The following DIP2C variants were observed in gnomAD, a reference collection of about 807,000 sequenced individuals.
The protein encoded by DIP2C is DIP2 acetate--CoA ligase C (putative).
In DIP2C, 33 loss-of-function variants were observed where a neutral mutation model predicts 192.4. That is an observed-to-expected ratio of 0.17 (90% CI 0.13 to 0.23). The LOEUF (loss-of-function observed/expected upper bound fraction) is 0.23. DIP2C is among the 10% of genes least tolerant of loss of function. The pLI, the probability that DIP2C is intolerant of heterozygous loss-of-function variation, is 1.00. For missense variants in DIP2C, 1,537 were observed against 2,110.1 expected, an observed-to-expected ratio of 0.73 and a Z score of 5.32; for synonymous variants, 979 against 864.1, an observed-to-expected ratio of 1.13 and a Z score of -2.33.
At position 477,935 on chromosome 10, in the gene DIP2C, G is replaced by A. The variant is rs180980928; in HGVS notation, c.158-5386C>T. ...GAAAAGACAGGAAAAGAGAGGGAAA[G>A]AAGGAAGGAAAAGAAGGAAAGAAAA... On this transcript the variant is annotated intron_variant, in intron 2 of 36. Transcript: ENST00000280886. Among the ~76,000 whole-genome samples, 356 of 100,528 alleles carry A rather than the reference G, an allele frequency of 3.5e-3. 2 individuals are homozygous for A. Among genetic ancestry groups the A allele is most frequent in the Admixed American group, 8.8e-3 (76 of 8,636 alleles). The allele number at this position is 100,528 out of a possible 152,430, so 66.0% of individuals were successfully genotyped here. A position where few individuals can be genotyped will look rare whatever the true frequency, so the allele number is the denominator to read the frequency against.
chr10:382,799 C>A, intron 16 of DIP2C, 38 bp from the exon 17 acceptor site: 1 of 1,439,484 alleles, frequency 6.9e-7, no homozygotes, highest in South Asian at 1.3e-5. Flanking sequence ...ACAGCTGAAG[C>A]ACTGTGATTG....
intron 3 of DIP2C, among the ~76,000 whole-genome samples, chr10:466,497 A>G (rs1448684451): frequency 1.4e-5 from 2 of 140,144 alleles, no homozygotes; most frequent in South Asian, 5.4e-4. Flanking sequence ...TTCATGTCCA[A>G]AACACCAAAA....
At chr10:366,164 C>A in intron 19 of DIP2C, 111 bp downstream of exon 19, 2 of 1,451,430 alleles carry the variant, frequency 1.4e-6, no homozygotes, top group South Asian at 1.3e-5. Context: ...CATATAAACA[C>A]GTCTTGCTAA....
In DIP2C at chr10:382,707, C is replaced by T. The variant is rs1454127875; in HGVS notation, c.1931G>A (p.Arg644Gln). 9 of 1,613,736 alleles carry T rather than the reference C, an allele frequency of 5.6e-6. No homozygotes were observed. The African/African-American group carries it at 6.7e-5, about 12-fold the overall frequency. The part of the protein sequence containing the change: ...FLNVFQSKGL[R>Q]QEVICPCASS... ...GGCACAAGGACAGATGACCTCCTGT[C>T]GAAGGCCTTTACTTTGGAAGACATT... The change falls in exon 17 of 37, where the codon CGA (arginine) becomes CAA (glutamine). Residue 644 changes from arginine (R) to glutamine (Q), a missense_variant. By Grantham distance (43) the Arg-to-Gln change is conservative. This residue lies in a region of DIP2C where 677 missense variants were observed against 989.9 expected (regional missense o/e 0.68). Transcript: ENST00000280886.
intron 9 of DIP2C, among the ~76,000 whole-genome samples, chr10:404,048 G>A (rs1221839773): frequency 6.7e-6 from 1 of 149,558 alleles, no homozygotes; most frequent in African/African-American, 2.5e-5. Context: ...CTTCCTTATG[G>A]ACAAGTTTGG....
chr10:486,838 C>A (rs912044285), intron 1 of DIP2C, among the ~76,000 whole-genome samples: 13 of 152,344 alleles, frequency 8.5e-5, no homozygotes, highest in African/African-American at 2.4e-4. Flanking sequence ...CACAGGAAGC[C>A]AAGCCTGGTG....
intron 1 of DIP2C, among the ~76,000 whole-genome samples, chr10:566,034 G>A (rs906215807): frequency 1.2e-4 from 19 of 152,054 alleles, no homozygotes; most frequent in Non-Finnish European, 2.5e-4. Context: ...AGAGAGGGGC[G>A]GATTCCAAAC....
At chr10:640,820 G>A (rs950549281) in intron 1 of DIP2C, among the ~76,000 whole-genome samples, 6 of 152,004 alleles carry the variant, frequency 3.9e-5, no homozygotes, top group East Asian at 1.9e-4. Flanking sequence ...GGGCAGCAAG[G>A]CCGGTCAAGG....
chr10:484,881 G>T, intron 2 of DIP2C: 1 of 1,611,916 alleles, frequency 6.2e-7, no homozygotes, highest in Non-Finnish European at 8.5e-7. Context: ...GGGCAGAGCG[G>T]AATGTTCTCC....
intron 29 of DIP2C, among the ~76,000 whole-genome samples, chr10:334,891 A>G (rs552598635): frequency 7.3e-4 from 111 of 152,286 alleles, no homozygotes; most frequent in African/African-American, 2.6e-3. Context: ...TTGTTAACCT[A>G]TTTTAAAACT....
In DIP2C at chr10:276,632, TTTATC is replaced by T. The variant is rs1954532369; in HGVS notation, c.*688_*692del. On this transcript the variant is annotated 3_prime_UTR_variant, in exon 37 of 37. Coordinates refer to ENST00000280886, the MANE Select transcript of DIP2C (RefSeq NM_014974.3). ...TTACATATTGAGGAAGTTAACTTAT[TTTATC>T]TTTTTAGTTTAGTACAAAGATATTT... The T allele has an allele frequency of 6.6e-6, 1 of 152,632 alleles. No individual in the cohort carries two copies. The highest frequency in any genetic ancestry group is 6.5e-5 in the Admixed American group (1 of 15,294). 9.5% of individuals were successfully genotyped at this position (152,632 alleles called of 1,614,324 possible).
intron 31 of DIP2C, among the ~76,000 whole-genome samples, chr10:319,248 TA>T (rs1013415582): frequency 9.8e-5 from 15 of 152,318 alleles, no homozygotes; most frequent in African/African-American, 3.6e-4. Context: ...CTTCTATTAC[TA>T]GGGGGGCTGT....
intron 1 of DIP2C, among the ~76,000 whole-genome samples, chr10:541,246 G>A (rs948936755): frequency 1.3e-5 from 2 of 152,166 alleles, no homozygotes; most frequent in African/African-American, 4.8e-5. Context: ...CACTCTGGCT[G>A]AGGTGTCCTC....
rs377557232 is a variant in DIP2C at position 283,256 on chromosome 10, C to T, written c.4294+16G>A. ...TGCCCATCTGTTGGGGGGGGGCCGC[C>T]AGCCTGGACTCTCACCTCCATTTGC... On this transcript the variant is annotated intron_variant, in intron 35 of 36. Coordinates refer to ENST00000280886, the MANE Select transcript of DIP2C (RefSeq NM_014974.3). The T allele has an allele frequency of 4.3e-6, 7 of 1,611,772 alleles. No individual in the cohort carries two copies. The highest frequency in any genetic ancestry group is 4.2e-6 in the Non-Finnish European group (5 of 1,178,890).
chr10:474,507 C>G (rs560707472), intron 2 of DIP2C, among the ~76,000 whole-genome samples: 1 of 152,160 alleles, frequency 6.6e-6, no homozygotes, highest in Non-Finnish European at 1.5e-5. Context: ...TTGGAGCCCC[C>G]GCCCCAGTCC....
At chr10:395,789 G>A (rs1963939937) in intron 10 of DIP2C, among the ~76,000 whole-genome samples, 1 of 152,218 alleles carries the variant, frequency 6.6e-6, no homozygotes, top group South Asian at 2.1e-4. Context: ...GTGAGGGACA[G>A]GCAGGGGATC....
At chr10:620,354 C>T (rs2131832518) in intron 1 of DIP2C, among the ~76,000 whole-genome samples, 1 of 152,208 alleles carries the variant, frequency 6.6e-6, no homozygotes, top group Middle Eastern at 3.4e-3. Flanking sequence ...GTCAGAGGCA[C>T]CTAAACCACA....
intron 1 of DIP2C, among the ~76,000 whole-genome samples, chr10:661,083 G>T (rs577643692): frequency 6.6e-6 from 1 of 152,226 alleles, no homozygotes; most frequent in Non-Finnish European, 1.5e-5. Flanking sequence ...AGACACACTA[G>T]AATTAGCCAT....
chr10:403,935 G>A lies in DIP2C; in HGVS notation c.1150-4716C>T, dbSNP rs1478754999. Among the ~76,000 whole-genome samples the A allele has an allele frequency of 4.3e-5, 4 of 93,082 alleles. 1 individual carries two copies. Among genetic ancestry groups the A allele is most frequent in the African/African-American group, 8.4e-5 (2 of 23,940 alleles). The allele number at this position is 93,082 out of a possible 152,430, so 61.1% of individuals were successfully genotyped here. On this transcript the variant is annotated intron_variant, in intron 9 of 36. Coordinates refer to ENST00000280886, the MANE Select transcript of DIP2C (RefSeq NM_014974.3). ...GCACATGAATCCTGTGATTTTACAC[G>A]TGTGGTGGCATTAGCATTACTCTTC...
Sources: gnomAD v4.1 joint callset for allele counts (sites outside exome capture counted in the v4.1 genomes callset) on GRCh38, gnomAD v4.1.1 for gene constraint, gnomAD v4.1.1 regional missense constraint, MANE v1.5 for transcripts, NCBI Gene and HGNC (gene_info 2026-07-23, HGNC 2026-07-21) for gene names.